KCNQ1OT1: variants seen among roughly 807,000 people sequenced by gnomAD.
KCNQ1OT1 encodes the protein KCNQ1 opposite strand/antisense transcript 1, also known as KCNQ1 antisense RNA 2 (non-protein coding).
Position 2,664,565 on chromosome 11 carries a change from C to G in KCNQ1OT1, n.35430G>C. On this transcript the variant is annotated non_coding_transcript_exon_variant, in exon 1 of 1. Coordinates refer to ENST00000597346, the Ensembl canonical transcript of KCNQ1OT1. This position sits in a 1 kb window ranked among gnomAD's most constrained non-coding sequence, Gnocchi z 5.1. Reference sequence around the variant, plus strand: ...GCAGGGGTGTGGGGGCCGTGCAGGTCTTCTGCCCGCATTGGGGCTGCATTC... The same window carrying G: ...GCAGGGGTGTGGGGGCCGTGCAGGTGTTCTGCCCGCATTGGGGCTGCATTC... The G allele has an allele frequency of 2.5e-6, 1 of 398,674 alleles. No homozygotes were observed. The highest frequency in any genetic ancestry group is 4.4e-6 in the Non-Finnish European group (1 of 226,112). 24.7% of individuals were successfully genotyped at this position (398,674 alleles called of 1,614,324 possible).
In KCNQ1OT1 at chr11:2,683,611, G is replaced by A. The variant is rs1850435831; in HGVS notation, n.16384C>T. 5.0e-6 allele frequency: 2 copies of A among 398,412 alleles called. No individual in the cohort carries two copies. The highest frequency in any genetic ancestry group is 4.4e-5 in the Admixed American group (1 of 22,714). The allele number at this position is 398,412 out of a possible 1,614,324, so 24.7% of individuals were successfully genotyped here. On this transcript the variant is annotated non_coding_transcript_exon_variant, in exon 1 of 1. Coordinates refer to ENST00000597346, the Ensembl canonical transcript of KCNQ1OT1. The surrounding 1 kb of genome is among the most constrained non-coding windows in gnomAD (Gnocchi z 4.7). ...GAAATGCCAACTCATTTCAAATACT[G>A]CTCTAGACAACTGGGCCCTGCATCT...
In KCNQ1OT1 at chr11:2,624,643, A is replaced by G. The variant is rs1020904109; in HGVS notation, n.75352T>C. On this transcript the variant is annotated non_coding_transcript_exon_variant, in exon 1 of 1. Coordinates refer to ENST00000597346, the Ensembl canonical transcript of KCNQ1OT1. This position sits in a 1 kb window ranked among gnomAD's most constrained non-coding sequence, Gnocchi z 4.9. ...GTACAATTCAGTGAATGTATTAGAT[A>G]CGTTCACAATGCTGTGCAATCATCA... 10 of 398,620 alleles carry G rather than the reference A, an allele frequency of 2.5e-5. No homozygotes were observed. In the Admixed American group the frequency reaches 3.1e-4, roughly 12 times the overall value. 24.7% of individuals were successfully genotyped at this position (398,620 alleles called of 1,614,324 possible). A position where few individuals can be genotyped will look rare whatever the true frequency, so the allele number is the denominator to read the frequency against.
In KCNQ1OT1 at chr11:2,653,481, A is replaced by G. The variant is rs1282087044; in HGVS notation, n.46514T>C. The stretch of plus-strand genomic sequence containing the variant: ...ACACAGCTGGACCCAGCTGTTTCAG[A>G]CACAGCTGGACCCCAGAGCTGAGAT... On this transcript the variant is annotated non_coding_transcript_exon_variant, in exon 1 of 1. Coordinates refer to ENST00000597346, the Ensembl canonical transcript of KCNQ1OT1. The surrounding 1 kb of genome is among the most constrained non-coding windows in gnomAD (Gnocchi z 5.3). 2.5e-6 allele frequency: 1 copy of G among 397,798 alleles called. No individual in the cohort carries two copies. Among genetic ancestry groups the G allele is most frequent in the African/African-American group, 2.1e-5 (1 of 48,070 alleles). The allele number at this position is 397,798 out of a possible 1,614,324, so 24.6% of individuals were successfully genotyped here.
rs570393115 is a variant in KCNQ1OT1 at position 2,676,591 on chromosome 11, C to T, written n.23404G>A. ...ACCATCATACTGGGTATTCAACAGC[C>T]AGCTCTCCAAAGAGGCCTCTAAGAA... On this transcript the variant is annotated non_coding_transcript_exon_variant, in exon 1 of 1. Coordinates refer to ENST00000597346, the Ensembl canonical transcript of KCNQ1OT1. The surrounding 1 kb of genome is among the most constrained non-coding windows in gnomAD (Gnocchi z 4.2). The T allele has an allele frequency of 1.4e-4, 56 of 398,610 alleles. No homozygotes were observed. Among genetic ancestry groups the T allele is most frequent in the African/African-American group, 1.0e-3 (50 of 48,734 alleles). The allele number at this position is 398,610 out of a possible 1,614,324, so 24.7% of individuals were successfully genotyped here.
In KCNQ1OT1 at chr11:2,663,750, G is replaced by A. The variant is rs1850012042; in HGVS notation, n.36245C>T. 1 of 398,738 alleles carries A rather than the reference G, an allele frequency of 2.5e-6. No homozygotes were observed. The highest frequency in any genetic ancestry group is 3.6e-5 in the East Asian group (1 of 28,072). 24.7% of individuals were successfully genotyped at this position (398,738 alleles called of 1,614,324 possible). A position where few individuals can be genotyped will look rare whatever the true frequency, so the allele number is the denominator to read the frequency against. On this transcript the variant is annotated non_coding_transcript_exon_variant, in exon 1 of 1. Transcript: ENST00000597346. The surrounding 1 kb of genome is among the most constrained non-coding windows in gnomAD (Gnocchi z 5.2). The stretch of plus-strand genomic sequence containing the variant: ...GCAGGTGAAGGTGGTGAGAGACCAG[G>A]CACTTATGTGGATCACAGCCAAACT...
exon 1 of KCNQ1OT1, chr11:2,628,545 G>C (rs961837941): frequency 1.3e-4 from 53 of 398,278 alleles, no homozygotes; most frequent in Admixed American, 7.0e-4. Context: ...GATATTAATA[G>C]CTTATCAGAT....
exon 1 of KCNQ1OT1, chr11:2,637,543 G>A (rs546314064): frequency 2.6e-5 from 4 of 152,346 alleles, no homozygotes; most frequent in Non-Finnish European, 4.4e-5. Context: ...ACTGTGGTCT[G>A]AGAGACAGTT....
chr11:2,619,761 GT>G, exon 1 of KCNQ1OT1: 1 of 397,762 alleles, frequency 2.5e-6, no homozygotes, highest in Admixed American at 4.4e-5. Context: ...TTTTGGAAGA[GT>G]TTAAGAAGTA....
chr11:2,689,947 C>G (rs1418356709), exon 1 of KCNQ1OT1: 1 of 398,828 alleles, frequency 2.5e-6, no homozygotes, highest in Non-Finnish European at 4.4e-6. Flanking sequence ...CCAACGATGA[C>G]AGTGACTAGC....
chr11:2,686,984 T>C (rs774690960), exon 1 of KCNQ1OT1: 5 of 398,512 alleles, frequency 1.3e-5, no homozygotes, highest in Admixed American at 4.4e-5. Context: ...AGGACAACAC[T>C]GGGCCCTGAC....
exon 1 of KCNQ1OT1, chr11:2,666,832 G>T (rs1389207502): frequency 2.5e-6 from 1 of 398,714 alleles, no homozygotes; most frequent in South Asian, 1.3e-4. Flanking sequence ...GACATTCTGG[G>T]AACCAGTGTC....
Position 2,690,047 on chromosome 11 carries a change from C to G in KCNQ1OT1, n.9948G>C, listed in dbSNP as rs1590034576. The stretch of plus-strand genomic sequence containing the variant: ...CCGAGGGCCAGCCCTGCCTCTCCTC[C>G]CCTCTCCTAGCCTGCTTCTGTCTGG... On this transcript the variant is annotated non_coding_transcript_exon_variant, in exon 1 of 1. Transcript: ENST00000597346. This position sits in a 1 kb window ranked among gnomAD's most constrained non-coding sequence, Gnocchi z 5.1. 2.3e-5 allele frequency: 9 copies of G among 399,024 alleles called. No homozygotes were observed. In the East Asian group the frequency reaches 3.2e-4, roughly 14 times the overall value. 24.7% of individuals were successfully genotyped at this position (399,024 alleles called of 1,614,324 possible).
chr11:2,644,940 G>T (rs1310315569), exon 1 of KCNQ1OT1: 4 of 398,612 alleles, frequency 1.0e-5, no homozygotes, highest in Middle Eastern at 6.2e-4. Flanking sequence ...AGTGGCAGCA[G>T]TGGCTGGCCC....
At chr11:2,686,074 G>A (rs1372648004) in exon 1 of KCNQ1OT1, 3 of 398,928 alleles carry the variant, frequency 7.5e-6, no homozygotes, top group Middle Eastern at 6.2e-4. Context: ...GGAAGGACAG[G>A]GCCAGCATTG....
Position 2,669,976 on chromosome 11 carries a change from C to A in KCNQ1OT1, n.30019G>T, listed in dbSNP as rs1242643789. On this transcript the variant is annotated non_coding_transcript_exon_variant, in exon 1 of 1. Transcript: ENST00000597346. This position sits in a 1 kb window ranked among gnomAD's most constrained non-coding sequence, Gnocchi z 5.6. ...GGGAAGTCTAGAGGTCCCCAAGTCA[C>A]AACCTCAAATCTCGGAATGGGGTTC... The A allele has an allele frequency of 2.5e-6, 1 of 398,626 alleles. No homozygotes were observed. Among genetic ancestry groups the A allele is most frequent in the Admixed American group, 4.4e-5 (1 of 22,714 alleles). 24.7% of individuals were successfully genotyped at this position (398,626 alleles called of 1,614,324 possible). A position where few individuals can be genotyped will look rare whatever the true frequency, so the allele number is the denominator to read the frequency against.
chr11:2,615,482 T>A (rs1232991323), exon 1 of KCNQ1OT1: 2 of 398,074 alleles, frequency 5.0e-6, no homozygotes, highest in Non-Finnish European at 4.4e-6. Flanking sequence ...TCTTACTCTT[T>A]GTTATGGGAG....
exon 1 of KCNQ1OT1, chr11:2,610,745 T>C (rs1352795948): frequency 5.6e-6 from 2 of 356,170 alleles, no homozygotes; most frequent in Non-Finnish European, 9.6e-6. Context: ...TTTTTTTTTT[T>C]ACTTTGAGCA....
exon 1 of KCNQ1OT1, chr11:2,699,568 C>G (rs980632056): frequency 6.1e-5 from 21 of 345,418 alleles, no homozygotes; most frequent in Non-Finnish European, 8.7e-5. Context: ...GAGAACCATG[C>G]TGAGGAGCCC....
chr11:2,674,831 T>TAAAAAA lies in KCNQ1OT1; in HGVS notation n.25163_25164insTTTTTT, dbSNP rs1564854123. On this transcript the variant is annotated non_coding_transcript_exon_variant, in exon 1 of 1. Coordinates refer to ENST00000597346, the Ensembl canonical transcript of KCNQ1OT1. This position sits in a 1 kb window ranked among gnomAD's most constrained non-coding sequence, Gnocchi z 5.9. ...GGCTTGTCACCCTAATAGCTGTTTTTTAAAAAAAAAAAAAAAAAAAAAAAA... is the reference window on the plus strand; with the variant it reads ...GGCTTGTCACCCTAATAGCTGTTTTTAAAAAATAAAAAAAAAAAAAAAAAAAAAAAA... 5.5e-6 allele frequency: 2 copies of TAAAAAA among 362,322 alleles called. No homozygotes were observed. Among genetic ancestry groups the TAAAAAA allele is most frequent in the African/African-American group, 5.2e-5 (2 of 38,414 alleles). 22.4% of individuals were successfully genotyped at this position (362,322 alleles called of 1,614,324 possible). A position where few individuals can be genotyped will look rare whatever the true frequency, so the allele number is the denominator to read the frequency against.
Sources: allele counts gnomAD v4.1 joint callset, GRCh38; gene constraint gnomAD v4.1.1; non-coding constraint Gnocchi (gnomAD v3.1); transcripts MANE v1.5; gene names NCBI Gene and HGNC (gene_info 2026-07-23, HGNC 2026-07-21).